SEMA6A: variants seen among roughly 807,000 people sequenced by gnomAD.
SEMA6A encodes semaphorin 6A.
In SEMA6A, 25 loss-of-function variants were observed where a neutral mutation model predicts 96.8. The observed-to-expected ratio is 0.26, with a 90% CI of 0.19 to 0.36. The LOEUF (loss-of-function observed/expected upper bound fraction) is 0.36. SEMA6A is among the 10% of genes least tolerant of loss of function. The pLI is 1.00. For synonymous variants in SEMA6A, 612 were observed against 518.0 expected (o/e 1.18, Z -2.46); for missense variants, 1,363 against 1,323.1 (o/e 1.03, Z -0.47).
intron 1 of SEMA6A, among the ~76,000 whole-genome samples, chr5:116,572,835 C>T (rs143769710): frequency 6.6e-6 from 1 of 152,324 alleles, no homozygotes; most frequent in Non-Finnish European, 1.5e-5. Flanking sequence ...ACATGCTGAG[C>T]CCCAGTCCGG....
At chr5:116,567,695 G>T (rs922573862) in intron 1 of SEMA6A, among the ~76,000 whole-genome samples, 8 of 152,130 alleles carry the variant, frequency 5.3e-5, no homozygotes, top group Admixed American at 2.0e-4. Context: ...CATGACCTCC[G>T]CAATGCCTCT....
At chr5:116,535,421 G>A (rs1158094088) in intron 1 of SEMA6A, among the ~76,000 whole-genome samples, 1 of 152,192 alleles carries the variant, frequency 6.6e-6, no homozygotes, top group African/African-American at 2.4e-5. Flanking sequence ...CAAAATGCAT[G>A]GTGGCATGAG....
intron 1 of SEMA6A, among the ~76,000 whole-genome samples, chr5:116,573,983 G>A (rs564518374): frequency 6.6e-6 from 1 of 151,718 alleles, no homozygotes; most frequent in Non-Finnish European, 1.5e-5. Flanking sequence ...ACGCACTCTG[G>A]GGCGCAGGGC....
At chr5:116,522,211 C>T (rs867630769) in intron 1 of SEMA6A, among the ~76,000 whole-genome samples, 1 of 152,008 alleles carries the variant, frequency 6.6e-6, no homozygotes, top group Non-Finnish European at 1.5e-5. Flanking sequence ...TTATGTTGTA[C>T]ATTTTTATGT....
At chr5:116,478,344 A>G (rs919064553) in intron 13 of SEMA6A, 190 bp from the exon 14 acceptor site, 1 of 751,756 alleles carries the variant, frequency 1.3e-6, no homozygotes, top group Non-Finnish European at 2.1e-6. Flanking sequence ...ACACACACAT[A>G]TATGTATCTA....
Position 116,482,425 on chromosome 5 carries a change from T to C in SEMA6A, c.1094+19A>G, listed in dbSNP as rs374268464. The C allele has an allele frequency of 1.1e-5, 18 of 1,609,562 alleles. No individual in the cohort carries two copies. Among genetic ancestry groups the C allele is most frequent in the Admixed American group, 1.7e-5 (1 of 59,624 alleles). On this transcript the variant is annotated intron_variant, in intron 11 of 18. Coordinates refer to ENST00000343348, the MANE Select transcript of SEMA6A (RefSeq NM_020796.5). The stretch of plus-strand genomic sequence containing the variant: ...CCATTTCTAAAGTTTAAAATAGCCA[T>C]ATGAATATTTGCACATACCTGGGCT...
chr5:116,520,693 C>G (rs1758900578), intron 1 of SEMA6A, among the ~76,000 whole-genome samples: 1 of 152,146 alleles, frequency 6.6e-6, no homozygotes, highest in African/African-American at 2.4e-5. Context: ...CACACATGGA[C>G]TAGCCTACCT....
chr5:116,562,600 C>A (rs1447938934), intron 1 of SEMA6A: 3 of 681,214 alleles, frequency 4.4e-6, no homozygotes, highest in Admixed American at 3.7e-5. Flanking sequence ...AAGAACAGGT[C>A]ATCAGCCTCT....
intron 11 of SEMA6A, among the ~76,000 whole-genome samples, chr5:116,481,426 T>G (rs1344585250): frequency 6.6e-6 from 1 of 152,172 alleles, no homozygotes; most frequent in Non-Finnish European, 1.5e-5. Flanking sequence ...TCTCCATAAG[T>G]AACAGAATAT....
chr5:116,493,456 C>A (rs1226770908), intron 6 of SEMA6A, among the ~76,000 whole-genome samples: 1 of 152,076 alleles, frequency 6.6e-6, no homozygotes, highest in Non-Finnish European at 1.5e-5. Context: ...AAAACTTGAT[C>A]TTTGGTTTAT....
At chr5:116,548,542 T>TAC (rs1419296991) in intron 1 of SEMA6A, among the ~76,000 whole-genome samples, 1 of 152,212 alleles carries the variant, frequency 6.6e-6, no homozygotes, top group Non-Finnish European at 1.5e-5. Flanking sequence ...TAATGCTGCA[T>TAC]ACCACGGAAA....
chr5:116,505,485 A>ACT (rs1491171239), intron 1 of SEMA6A, among the ~76,000 whole-genome samples: 20 of 151,426 alleles, frequency 1.3e-4, no homozygotes, highest in African/African-American at 4.6e-4. Context: ...ACACACACAC[A>ACT]TCTATAACTC....
chr5:116,447,227 G>A lies in SEMA6A; in HGVS notation c.2479C>T (p.His827Tyr). The A allele has an allele frequency of 6.2e-7, 1 of 1,614,064 alleles. No homozygotes were observed. The highest frequency in any genetic ancestry group is 8.5e-7 in the Non-Finnish European group (1 of 1,179,904). The part of the protein sequence containing the change: ...VLPITQQGYQ[H>Y]EYVDQPKMSE... ...ATTTTGGGCTGGTCCACGTACTCAT[G>A]CTGGTAGCCCTGCTGCGTGATGGGC... Residue 827 changes from histidine (H) to tyrosine (Y), a missense_variant, in exon 19 of 19, where the codon CAT becomes TAT. Physicochemically the swap from His to Tyr is moderately conservative, Grantham distance 83. This residue lies in a region of SEMA6A where 883 missense variants were observed against 763.6 expected (regional missense o/e 1.16). Coordinates refer to ENST00000343348, the MANE Select transcript of SEMA6A (RefSeq NM_020796.5).
chr5:116,561,075 C>G (rs1760802343), intron 1 of SEMA6A, among the ~76,000 whole-genome samples: 1 of 152,178 alleles, frequency 6.6e-6, no homozygotes, highest in African/African-American at 2.4e-5. Context: ...TGTCCACACC[C>G]TTCCCTTACC....
At chr5:116,514,641 G>A (rs1758583636) in intron 1 of SEMA6A, among the ~76,000 whole-genome samples, 2 of 152,302 alleles carry the variant, frequency 1.3e-5, no homozygotes, top group African/African-American at 2.4e-5. Context: ...ATGAGCAGCA[G>A]CTGAGAACTC....
intron 1 of SEMA6A, among the ~76,000 whole-genome samples, chr5:116,522,997 G>C (rs1354356265): frequency 6.6e-6 from 1 of 152,212 alleles, no homozygotes; most frequent in African/African-American, 2.4e-5. Flanking sequence ...GAATTCATCA[G>C]GAGAGCGAGG....
At chr5:116,552,975 GGCCCT>G (rs1760476451) in intron 1 of SEMA6A, among the ~76,000 whole-genome samples, 1 of 152,100 alleles carries the variant, frequency 6.6e-6, no homozygotes, top group Non-Finnish European at 1.5e-5. Flanking sequence ...AAGAGGAGTT[GGCCCT>G]GCTCTAGGGA....
intron 1 of SEMA6A, among the ~76,000 whole-genome samples, chr5:116,566,175 C>T (rs866277549): frequency 2.8e-4 from 43 of 152,146 alleles, no homozygotes; most frequent in African/African-American, 1.0e-3. Flanking sequence ...ATAAATGCTT[C>T]TAATCAAATC....
chr5:116,498,221 A>C (rs1367577160), intron 3 of SEMA6A, among the ~76,000 whole-genome samples: 3 of 152,192 alleles, frequency 2.0e-5, no homozygotes, highest in Non-Finnish European at 2.9e-5. Context: ...AGGGAAAGCA[A>C]AACAGCTCAT....
Sources: gnomAD v4.1 joint callset for allele counts (sites outside exome capture counted in the v4.1 genomes callset) on GRCh38, gnomAD v4.1.1 for gene constraint, gnomAD v4.1.1 regional missense constraint, MANE v1.5 for transcripts, NCBI Gene and HGNC (gene_info 2026-07-23, HGNC 2026-07-21) for gene names.